CYP2A13: variants seen among roughly 807,000 people sequenced by gnomAD.
CYP2A13 encodes cytochrome P450 2A13.
CYP2A13 carries 30 observed loss-of-function variants against 39.4 expected under a neutral mutation model. The ratio of observed to expected loss-of-function variants is 0.76; its 90% confidence interval spans 0.57 to 1.03. CYP2A13 has a LOEUF of 1.03. CYP2A13 is among the 50% of genes least tolerant of loss of function. The probability of loss-of-function intolerance (pLI) is 0.00; values close to 1 mark genes in which losing one functional copy is unlikely to be tolerated. For missense variants in CYP2A13, 731 were observed against 648.4 expected, an observed-to-expected ratio of 1.13 and a Z score of -1.38; for synonymous variants, 269 against 254.7, an observed-to-expected ratio of 1.06 and a Z score of -0.54.
intron 5 of CYP2A13, 101 bp downstream of exon 5, chr19:41,092,009 C>A: frequency 6.6e-7 from 1 of 1,520,654 alleles, no homozygotes; most frequent in Non-Finnish European, 8.9e-7. Flanking sequence ...CAAATTAGCC[C>A]TCGTCATAAT....
intron 7 of CYP2A13, 111 bp from the exon 8 acceptor site, chr19:41,094,848 T>C: frequency 7.9e-7 from 1 of 1,262,700 alleles, no homozygotes; most frequent in Non-Finnish European, 1.1e-6. Context: ...AACTCCTCCA[T>C]GCCTGCCACT....
intron 2 of CYP2A13, among the ~76,000 whole-genome samples, chr19:41,089,808 CT>C (rs1240447540): frequency 1.5e-3 from 3 of 2,050 alleles, no homozygotes; most frequent in East Asian, 9.1e-3. Flanking sequence ...TACCCGGTCT[CT>C]CTCTCTCTCT....
intron 5 of CYP2A13, among the ~76,000 whole-genome samples, chr19:41,092,367 A>G (rs569371515): frequency 5.0e-4 from 75 of 149,884 alleles, no homozygotes; most frequent in African/African-American, 1.7e-3. Flanking sequence ...AACTACATCA[A>G]CCACTGCTGT....
Position 41,093,715 on chromosome 19 carries a change from T to G in CYP2A13, c.917T>G (p.Val306Gly). 1 of 1,614,014 alleles carries G rather than the reference T, an allele frequency of 6.2e-7. No individual in the cohort carries two copies. Among genetic ancestry groups the G allele is most frequent in the Non-Finnish European group, 8.5e-7 (1 of 1,180,012 alleles). ...LNLFFAGTET[V>G]STTLRYGFLL... ...CTCTTCTTTGCGGGCACTGAGACCGTGAGCACCACCCTGCGCTACGGTTTC... is the reference window on the plus strand; with the variant it reads ...CTCTTCTTTGCGGGCACTGAGACCGGGAGCACCACCCTGCGCTACGGTTTC... Residue 306 changes from valine to glycine, a missense_variant, in exon 6 of 9, where the codon GTG becomes GGG. Physicochemically the swap from Val to Gly is moderately radical, Grantham distance 109. Coordinates refer to ENST00000330436, the MANE Select transcript of CYP2A13 (RefSeq NM_000766.5).
chr19:41,094,356 T>A lies in CYP2A13; in HGVS notation c.1085T>A (p.Phe362Tyr). 3.1e-6 allele frequency: 5 copies of A among 1,614,062 alleles called. No individual in the cohort carries two copies. The highest frequency in any genetic ancestry group is 4.2e-6 in the Non-Finnish European group (5 of 1,180,000). ...GCAGTGATCCACGAGATCCAAAGAT[T>A]TGGAGACATGCTCCCCATGGGTTTG... ...TEAVIHEIQR[F>Y]GDMLPMGLAH... The change falls in exon 7 of 9, where the codon TTT becomes TAT. Residue 362 changes from phenylalanine to tyrosine, a missense_variant. Phe to Tyr is a conservative substitution (Grantham distance 22). Coordinates refer to ENST00000330436, the MANE Select transcript of CYP2A13 (RefSeq NM_000766.5).
chr19:41,095,705 T>C lies in CYP2A13; in HGVS notation c.1304-55T>C, dbSNP rs554762778. 254 of 1,602,780 alleles carry C rather than the reference T, an allele frequency of 1.6e-4. 4 individuals are homozygous for C. In the South Asian group the frequency reaches 2.6e-3, roughly 16 times the overall value. On this transcript the variant is annotated intron_variant, in intron 8 of 8. Coordinates refer to ENST00000330436, the MANE Select transcript of CYP2A13 (RefSeq NM_000766.5). ...AGTGCAGCCGGGGGTCAGTAGGGGT[T>C]GAGGCTGCACTGAGAGTGGGCTTCA...
At chr19:41,095,703 G>C in intron 8 of CYP2A13, 57 bp from the exon 9 acceptor site, 1 of 1,601,594 alleles carries the variant, frequency 6.2e-7, no homozygotes, top group Non-Finnish European at 8.5e-7. Flanking sequence ...GTCAGTAGGG[G>C]TTGAGGCTGC....
In CYP2A13 at chr19:41,091,777, C is replaced by G. The variant is rs765504747; in HGVS notation, c.700C>G (p.Gln234Glu). The G allele has an allele frequency of 1.2e-6, 2 of 1,614,094 alleles. No individual in the cohort carries two copies. Among genetic ancestry groups the G allele is most frequent in the South Asian group, 2.2e-5 (2 of 91,080 alleles). Residue 234 changes from glutamine to glutamate, a missense_variant, in exon 5 of 9, where the codon CAG (glutamine) becomes GAG (glutamate). Physicochemically the swap from Gln to Glu is conservative, Grantham distance 29. Coordinates refer to ENST00000330436, the MANE Select transcript of CYP2A13 (RefSeq NM_000766.5). ...SSVMKHLPGP[Q>E]QQAFKELQGL... is the part of the protein sequence containing the mutation. ...GGTGATGAAACACCTGCCAGGACCA[C>G]AGCAACAGGCCTTTAAGGAGCTGCA...
Position 41,095,943 on chromosome 19 carries a change from C to T in CYP2A13, c.*2C>T, listed in dbSNP as rs765333088. On this transcript the variant is annotated 3_prime_UTR_variant, in exon 9 of 9. Coordinates refer to ENST00000330436, the MANE Select transcript of CYP2A13 (RefSeq NM_000766.5). ...ACCATGAGCTTCCTGCCCCGCTGAG[C>T]GAGGGCTGTGCTGGTGCAGGGCTGG... 5 of 1,384,774 alleles carry T rather than the reference C, an allele frequency of 3.6e-6. No homozygotes were observed. Among genetic ancestry groups the T allele is most frequent in the Non-Finnish European group, 4.8e-6 (5 of 1,038,004 alleles). 85.8% of individuals were successfully genotyped at this position (1,384,774 alleles called of 1,614,324 possible). A position where few individuals can be genotyped will look rare whatever the true frequency, so the allele number is the denominator to read the frequency against.
intron 1 of CYP2A13, 89 bp downstream of exon 1, chr19:41,088,740 A>G (rs1475356959): frequency 6.4e-7 from 1 of 1,554,398 alleles, no homozygotes; most frequent in Admixed American, 1.8e-5. Context: ...AGTGTGGACC[A>G]GAGTCTTAGG....
Position 41,095,950 on chromosome 19 carries a change from T to C in CYP2A13, c.*9T>C. On this transcript the variant is annotated 3_prime_UTR_variant, in exon 9 of 9. Transcript: ENST00000330436. ...GCTTCCTGCCCCGCTGAGCGAGGGCTGTGCTGGTGCAGGGCTGGTGGGCGG... is the reference window on the plus strand; with the variant it reads ...GCTTCCTGCCCCGCTGAGCGAGGGCCGTGCTGGTGCAGGGCTGGTGGGCGG... The C allele has an allele frequency of 6.7e-7, 1 of 1,494,280 alleles. No homozygotes were observed. Among genetic ancestry groups the C allele is most frequent in the Non-Finnish European group, 9.0e-7 (1 of 1,108,016 alleles). The allele number at this position is 1,494,280 out of a possible 1,614,324, so 92.6% of individuals were successfully genotyped here.
chr19:41,093,671 G>A lies in CYP2A13; in HGVS notation c.873G>A (p.Leu291=), dbSNP rs573470509. Reference sequence around the variant, plus strand: ...ACACAGAGTTCTACTTGAAGAACCTGGTGATGACCACCCTGAACCTCTTCT... The same window carrying A: ...ACACAGAGTTCTACTTGAAGAACCTAGTGATGACCACCCTGAACCTCTTCT... ...NPNTEFYLKN[L]VMTTLNLFFA... Residue 291 remains leucine (L), a synonymous_variant, in exon 6 of 9, where the codon CTG becomes CTA. Transcript: ENST00000330436. 4.1e-5 allele frequency: 66 copies of A among 1,614,120 alleles called. No individual in the cohort carries two copies. In the Admixed American group the frequency reaches 4.2e-4, roughly 10 times the overall value.
At position 41,090,197 on chromosome 19, in the gene CYP2A13, G is replaced by C. The variant is rs1359922752; in HGVS notation, c.493+1G>C. On this transcript the variant is annotated splice_donor_variant, in intron 3 of 8. Coordinates refer to ENST00000330436, the MANE Select transcript of CYP2A13 (RefSeq NM_000766.5). LOFTEE classifies it high-confidence loss of function. The stretch of plus-strand genomic sequence containing the variant: ...ATCGACGCCCTCCGGGGCACGCACG[G>C]TGAGTAGGGGACCCCGAGTGCGAGG... 1 of 1,571,272 alleles carries C rather than the reference G, an allele frequency of 6.4e-7. No individual in the cohort carries two copies. Among genetic ancestry groups the C allele is most frequent in the Non-Finnish European group, 8.6e-7 (1 of 1,157,574 alleles).
intron 3 of CYP2A13, 24 bp downstream of exon 3, chr19:41,090,220 A>T (rs1418491336): frequency 3.2e-6 from 5 of 1,550,950 alleles, no homozygotes; most frequent in Non-Finnish European, 4.4e-6. Context: ...CCCGAGTGCG[A>T]GGGCGGGAAC....
chr19:41,091,319 G>T (rs972238150), intron 4 of CYP2A13, among the ~76,000 whole-genome samples: 3 of 152,108 alleles, frequency 2.0e-5, no homozygotes, highest in Non-Finnish European at 4.4e-5. Context: ...TAAGTATCTG[G>T]ACAGCTGTCT....
At chr19:41,089,425 C>T (rs2031118554) in intron 2 of CYP2A13, among the ~76,000 whole-genome samples, 1 of 152,076 alleles carries the variant, frequency 6.6e-6, no homozygotes. Flanking sequence ...TTTTGTCGCT[C>T]TCGGCTTCTG....
At position 41,095,024 on chromosome 19, in the gene CYP2A13, G is replaced by T; in HGVS notation, c.1227G>T (p.Arg409=). Residue 409 remains arginine (R), a synonymous_variant, in exon 8 of 9, where the codon CGG becomes CGT. Coordinates refer to ENST00000330436, the MANE Select transcript of CYP2A13 (RefSeq NM_000766.5). ...ACCCCAGGTTCTTCTCCAACCCCCG[G>T]GACTTCAATCCCCAGCACTTCCTGG... ...LRDPRFFSNP[R]DFNPQHFLDK... 1 of 1,614,024 alleles carries T rather than the reference G, an allele frequency of 6.2e-7. No homozygotes were observed. The highest frequency in any genetic ancestry group is 8.5e-7 in the Non-Finnish European group (1 of 1,180,030).
intron 6 of CYP2A13, among the ~76,000 whole-genome samples, chr19:41,094,033 G>A (rs1285902427): frequency 6.6e-6 from 1 of 152,046 alleles, no homozygotes; most frequent in Non-Finnish European, 1.5e-5. Context: ...CATCCCCTAA[G>A]TTCCTCCCTG....
Position 41,094,988 on chromosome 19 carries a change from C to T in CYP2A13, c.1191C>T (p.Ser397=), listed in dbSNP as rs145039737. 178 of 1,613,992 alleles carry T rather than the reference C, an allele frequency of 1.1e-4. No homozygotes were observed. The highest frequency in any genetic ancestry group is 1.1e-3 in the East Asian group (49 of 44,894). The change falls in exon 8 of 9, where the codon TCC becomes TCT. Residue 397 remains serine (S), a synonymous_variant. Coordinates refer to ENST00000330436, the MANE Select transcript of CYP2A13 (RefSeq NM_000766.5). Reference sequence around the variant, plus strand: ...CTGAAGTGTTCCCTATGCTGGGCTCCGTGCTGAGAGACCCCAGGTTCTTCT... The same window carrying T: ...CTGAAGTGTTCCCTATGCTGGGCTCTGTGCTGAGAGACCCCAGGTTCTTCT... ...KGTEVFPMLG[S]VLRDPRFFSN...
Sources: allele counts gnomAD v4.1 joint callset (sites outside exome capture counted in the v4.1 genomes callset), GRCh38; gene constraint gnomAD v4.1.1; transcripts MANE v1.5; gene names NCBI Gene and HGNC (gene_info 2026-07-23, HGNC 2026-07-21).